Variants in GUCY1A1 observed in about 807,000 individuals in gnomAD.
GUCY1A1 encodes the protein guanylate cyclase soluble subunit alpha-1.
In GUCY1A1, 48 loss-of-function variants were observed where a neutral mutation model predicts 64.5. The observed-to-expected ratio is 0.74, with a 90% CI of 0.59 to 0.95. The LOEUF is 0.95. Among genes scored for constraint, GUCY1A1 ranks in the 40% least tolerant of loss-of-function variants. The probability of loss-of-function intolerance (pLI) is 0.00; values close to 1 mark genes in which losing one functional copy is unlikely to be tolerated. For synonymous variants in GUCY1A1, 308 were observed against 303.4 expected, an observed-to-expected ratio of 1.02 and a Z score of -0.16; for missense variants, 804 against 825.3, an observed-to-expected ratio of 0.97 and a Z score of 0.32.
intron 3 of GUCY1A1, among the ~76,000 whole-genome samples, chr4:155,699,336 C>T (rs536279511): frequency 4.6e-5 from 7 of 152,228 alleles, no homozygotes; most frequent in African/African-American, 1.7e-4. Context: ...TCTCCTGATC[C>T]TGAAGAGCCA....
chr4:155,715,762 T>A (rs1280385223), intron 7 of GUCY1A1, among the ~76,000 whole-genome samples: 1 of 152,204 alleles, frequency 6.6e-6, no homozygotes, highest in African/African-American at 2.4e-5. Flanking sequence ...TGCCACCTGG[T>A]TCATTCATTA....
intron 2 of GUCY1A1, among the ~76,000 whole-genome samples, chr4:155,671,234 G>C (rs1734107182): frequency 6.6e-6 from 1 of 152,126 alleles, no homozygotes; most frequent in South Asian, 2.1e-4. Context: ...CTTCAGAATT[G>C]CTTGTAAACT....
chr4:155,725,195 CA>C (rs1335801818), intron 9 of GUCY1A1, among the ~76,000 whole-genome samples: 1 of 152,024 alleles, frequency 6.6e-6, no homozygotes, highest in Admixed American at 6.6e-5. Flanking sequence ...TCCTGTGGTA[CA>C]CATTCCATAT....
At chr4:155,705,945 T>TA (rs2126811834) in intron 4 of GUCY1A1, among the ~76,000 whole-genome samples, 1 of 152,312 alleles carries the variant, frequency 6.6e-6, no homozygotes, top group African/African-American at 2.4e-5. Flanking sequence ...GCTGATAAGA[T>TA]AGTCTTAAGT....
At chr4:155,694,645 C>A (rs1389905033) in intron 2 of GUCY1A1, among the ~76,000 whole-genome samples, 1 of 152,156 alleles carries the variant, frequency 6.6e-6, no homozygotes, top group African/African-American at 2.4e-5. Flanking sequence ...ATTTGTATAT[C>A]ATCTCTGGCT....
rs1465879878 is a variant in GUCY1A1, at chr4:155,734,116, C to G, written c.*3885C>G. On this transcript the variant is annotated 3_prime_UTR_variant, in exon 10 of 10. Transcript: ENST00000506455. The stretch of plus-strand genomic sequence containing the variant: ...CAAGGCAAAGACTTCCCAGCTCTGT[C>G]TCAGGTTAGGTTAAAAGAAGGCATA... Among the ~76,000 whole-genome samples, 1 of 151,874 alleles carries G rather than the reference C, an allele frequency of 6.6e-6. No individual in the cohort carries two copies. The highest frequency in any genetic ancestry group is 1.9e-4 in the East Asian group (1 of 5,160).
chr4:155,687,559 C>G lies in GUCY1A1; in HGVS notation c.-112-9197C>G, dbSNP rs142154286. On this transcript the variant is annotated intron_variant, in intron 2 of 9. Coordinates refer to ENST00000506455, the MANE Select transcript of GUCY1A1 (RefSeq NM_001130682.3). ...ACCACCGAGTAGCATTTGTGATAGT[C>G]AACATGTATTCCTCCCATACTGGGT... 4.6e-5 allele frequency among the ~76,000 whole-genome samples: 7 copies of G among 152,254 alleles called. No individual in the cohort carries two copies. The East Asian group carries it at 1.2e-3, about 25-fold the overall frequency.
intron 2 of GUCY1A1, among the ~76,000 whole-genome samples, chr4:155,689,360 T>C (rs1729437621): frequency 6.6e-6 from 1 of 152,094 alleles, no homozygotes; most frequent in Admixed American, 6.5e-5. Flanking sequence ...GGAAAATTGG[T>C]TGAAAAGTTT....
chr4:155,683,080 T>C (rs1244140135), intron 2 of GUCY1A1, among the ~76,000 whole-genome samples: 1 of 152,170 alleles, frequency 6.6e-6, no homozygotes, highest in Non-Finnish European at 1.5e-5. Context: ...GGATGGTTTT[T>C]CATTTAGCTG....
rs769534804 is a variant in GUCY1A1 at position 155,734,160 on chromosome 4, T to A, written c.*3929T>A. ...AGGCATAGGATGGAAGAGGGTGGTC[T>A]GTGGTAGGCCTAGCAAATGAAAGAG... On this transcript the variant is annotated 3_prime_UTR_variant, in exon 10 of 10. Coordinates refer to ENST00000506455, the MANE Select transcript of GUCY1A1 (RefSeq NM_001130682.3). Among the ~76,000 whole-genome samples, 3 of 151,924 alleles carry A rather than the reference T, an allele frequency of 2.0e-5. No homozygotes were observed. Among genetic ancestry groups the A allele is most frequent in the Non-Finnish European group, 4.4e-5 (3 of 67,908 alleles).
At chr4:155,692,767 T>C (rs1729917427) in intron 2 of GUCY1A1, among the ~76,000 whole-genome samples, 1 of 152,196 alleles carries the variant, frequency 6.6e-6, no homozygotes, top group South Asian at 2.1e-4. Context: ...TCATGCCTAA[T>C]TGAATTCTAG....
At position 155,730,419 on chromosome 4, in the gene GUCY1A1, G is replaced by GAA. The variant is rs34880260; in HGVS notation, c.*201_*202dup. The GAA allele has an allele frequency of 7.6e-4, 245 of 321,542 alleles. No homozygotes were observed. Among genetic ancestry groups the GAA allele is most frequent in the East Asian group, 1.9e-3 (40 of 20,848 alleles). 19.9% of individuals were successfully genotyped at this position (321,542 alleles called of 1,614,324 possible). On this transcript the variant is annotated 3_prime_UTR_variant, in exon 10 of 10. Coordinates refer to ENST00000506455, the MANE Select transcript of GUCY1A1 (RefSeq NM_001130682.3). Reference sequence around the variant, plus strand: ...TCACTTCAGTACTTCAGCTCTTCAAGAAAAAAAAAAAAAACCTTAAAAAGC... The same window carrying GAA: ...TCACTTCAGTACTTCAGCTCTTCAAGAAAAAAAAAAAAAAAACCTTAAAAAGC...
chr4:155,719,402 A>G (rs1014435476), intron 8 of GUCY1A1, among the ~76,000 whole-genome samples: 1 of 152,176 alleles, frequency 6.6e-6, no homozygotes, highest in South Asian at 2.1e-4. Context: ...ACATCGTCTC[A>G]TTTAATCCTT....
chr4:155,717,302 G>A lies in GUCY1A1; in HGVS notation c.1716G>A (p.Lys572=). The A allele has an allele frequency of 6.4e-7, 1 of 1,566,112 alleles. No individual in the cohort carries two copies. The change falls in exon 8 of 10, where the codon AAG becomes AAA. Residue 572 remains lysine (K), a splice_region_variant and synonymous_variant. Coordinates refer to ENST00000506455, the MANE Select transcript of GUCY1A1 (RefSeq NM_001130682.3). ...TGTCTCCCCATGGAGAACCTATCAA[G>A]GTAAGGCAGATGATATATTGTCCAA... The part of the protein sequence containing the change: ...EVMSPHGEPI[K]MRIGLHSGSV...
rs571665311 is a variant in GUCY1A1, at chr4:155,731,768, C to A, written c.*1537C>A. ...CAGTTTAAAACTTCTTTAACTGCCTCCCTTAGTACCCAGGCTAGCCCATGG... is the reference window on the plus strand; with the variant it reads ...CAGTTTAAAACTTCTTTAACTGCCTACCTTAGTACCCAGGCTAGCCCATGG... On this transcript the variant is annotated 3_prime_UTR_variant, in exon 10 of 10. Coordinates refer to ENST00000506455, the MANE Select transcript of GUCY1A1 (RefSeq NM_001130682.3). The A allele has an allele frequency of 1.4e-4, 21 of 151,872 alleles. No homozygotes were observed. The East Asian group carries it at 3.9e-3, about 28-fold the overall frequency. 9.4% of individuals were successfully genotyped at this position (151,872 alleles called of 1,614,324 possible).
chr4:155,690,674 T>C (rs1026246755), intron 2 of GUCY1A1, among the ~76,000 whole-genome samples: 3 of 152,162 alleles, frequency 2.0e-5, no homozygotes, highest in Admixed American at 6.5e-5. Flanking sequence ...TTTCTGGAAC[T>C]CTCTTGGCCT....
intron 5 of GUCY1A1, 50 bp downstream of exon 5, chr4:155,708,344 C>T: frequency 2.3e-6 from 2 of 882,568 alleles, no homozygotes; most frequent in South Asian, 1.4e-5. Context: ...ACCTGTAGAA[C>T]TCACATTTTC....
chr4:155,705,942 A>C (rs774251452), intron 4 of GUCY1A1, among the ~76,000 whole-genome samples: 17 of 152,186 alleles, frequency 1.1e-4, no homozygotes, highest in Non-Finnish European at 2.1e-4. Context: ...CAAGCTGATA[A>C]GATAGTCTTA....
intron 2 of GUCY1A1, among the ~76,000 whole-genome samples, chr4:155,678,028 T>C (rs1017390824): frequency 1.2e-4 from 19 of 152,026 alleles, no homozygotes; most frequent in Non-Finnish European, 2.9e-5. Flanking sequence ...TATTAGACAA[T>C]AATGAAATTA....
Sources: gnomAD v4.1 joint callset for allele counts (sites outside exome capture counted in the v4.1 genomes callset) on GRCh38, gnomAD v4.1.1 for gene constraint, MANE v1.5 for transcripts, NCBI Gene and HGNC (gene_info 2026-07-23, HGNC 2026-07-21) for gene names.